The following BMPR1A variants were observed in gnomAD, a reference collection of about 807,000 sequenced individuals.
BMPR1A encodes the protein bone morphogenetic protein receptor type-1A.
In BMPR1A, 7 loss-of-function variants were observed where a neutral mutation model predicts 66.0. The ratio of observed to expected loss-of-function variants is 0.11; its 90% CI spans 0.06 to 0.20. The LOEUF is 0.20. BMPR1A is among the 10% of genes least tolerant of loss of function. The pLI is 1.00. For missense variants in BMPR1A, 408 were observed against 669.1 expected, an observed-to-expected ratio of 0.61 and a Z score of 4.31; for synonymous variants, 200 against 229.7, an observed-to-expected ratio of 0.87 and a Z score of 1.17.
chr10:86,782,739 T>G (rs1219797996), intron 1 of BMPR1A, among the ~76,000 whole-genome samples: 1 of 152,062 alleles, frequency 6.6e-6, no homozygotes, highest in Non-Finnish European at 1.5e-5. Context: ...GTTTTTTTTT[T>G]ATTCTGGATA....
Position 86,855,188 on chromosome 10 carries a change from GCCACCACA to G in BMPR1A, c.-153+16212_-153+16219del, listed in dbSNP as rs1842623933. On this transcript the variant is annotated intron_variant, in intron 2 of 12. Transcript: ENST00000372037. ...CAACCTGCTGGGATTACAGGCGTGAGCCACCACACCCTGCGTCGCTAAGTTTTTTAACC... is the reference window on the plus strand; with the variant it reads ...CAACCTGCTGGGATTACAGGCGTGAGCCCTGCGTCGCTAAGTTTTTTAACC... The G allele has an allele frequency of 4.8e-5, 28 of 577,648 alleles. No individual in the cohort carries two copies. The East Asian group carries it at 8.8e-4, about 18-fold the overall frequency. 35.8% of individuals were successfully genotyped at this position (577,648 alleles called of 1,614,324 possible).
intron 1 of BMPR1A, among the ~76,000 whole-genome samples, chr10:86,816,142 C>T (rs1199582618): frequency 1.3e-5 from 2 of 152,210 alleles, no homozygotes; most frequent in African/African-American, 2.4e-5. Flanking sequence ...TCTAACATGG[C>T]AGCCACTAGG....
chr10:86,758,497 GTTC>G (rs1399834879), intron 1 of BMPR1A, among the ~76,000 whole-genome samples: 4 of 151,164 alleles, frequency 2.6e-5, no homozygotes, highest in African/African-American at 7.3e-5. Context: ...AAGTACAAAT[GTTC>G]TTAAGATTTT....
At chr10:86,928,220 CTT>C (rs71477622), downstream of BMPR1A, 7,947 of 119,098 alleles carry the variant, frequency 0.067, 209 homozygotes, top group South Asian at 0.1. Flanking sequence ...TTTCTTTTTC[CTT>C]TTTTTTTTTT....
chr10:86,801,141 GT>G (rs776630505), intron 1 of BMPR1A, among the ~76,000 whole-genome samples: 6 of 152,116 alleles, frequency 3.9e-5, no homozygotes, highest in Non-Finnish European at 8.8e-5. Flanking sequence ...TTTAATTTTT[GT>G]TTTTATATAT....
intron 1 of BMPR1A, among the ~76,000 whole-genome samples, chr10:86,817,860 C>T (rs1438964263): frequency 1.3e-5 from 2 of 152,154 alleles, no homozygotes; most frequent in Non-Finnish European, 2.9e-5. Flanking sequence ...CCAACTCATT[C>T]TATGAGGCCA....
intron 5 of BMPR1A, among the ~76,000 whole-genome samples, chr10:86,893,839 A>G (rs976187271): frequency 2.0e-5 from 3 of 152,126 alleles, no homozygotes; most frequent in Admixed American, 6.6e-5. Flanking sequence ...CTTAAAGGTT[A>G]TGTTTCAACC....
chr10:86,835,588 A>AAAAAAAAAG (rs1842334954), intron 1 of BMPR1A, among the ~76,000 whole-genome samples: 1 of 133,410 alleles, frequency 7.5e-6, no homozygotes, highest in Admixed American at 8.1e-5. Flanking sequence ...AAAAAAAAAA[A>AAAAAAAAAG]GGTGTTTTGG....
chr10:86,889,450 T>G (rs1464185384), intron 3 of BMPR1A: 1 of 152,406 alleles, frequency 6.6e-6, no homozygotes, highest in African/African-American at 2.4e-5. Flanking sequence ...TGGTCACAAG[T>G]TTTGAACCAA....
chr10:86,880,953 A>G (rs1352677156), intron 3 of BMPR1A, among the ~76,000 whole-genome samples: 4 of 152,202 alleles, frequency 2.6e-5, no homozygotes, highest in Non-Finnish European at 5.9e-5. Flanking sequence ...GTACATGCCA[A>G]CACTTGGGAG....
intron 1 of BMPR1A, among the ~76,000 whole-genome samples, chr10:86,818,737 T>C (rs1044321467): frequency 3.9e-5 from 6 of 152,226 alleles, no homozygotes; most frequent in African/African-American, 7.2e-5. Context: ...AATCATAGTT[T>C]GAATGATTCA....
At chr10:86,841,147 C>T (rs1331379420) in intron 2 of BMPR1A, among the ~76,000 whole-genome samples, 1 of 152,186 alleles carries the variant, frequency 6.6e-6, no homozygotes, top group Non-Finnish European at 1.5e-5. Context: ...ATTTATTAAA[C>T]ACCTACTGTA....
chr10:86,841,267 G>A (rs2133124666), intron 2 of BMPR1A, among the ~76,000 whole-genome samples: 1 of 152,278 alleles, frequency 6.6e-6, no homozygotes, highest in African/African-American at 2.4e-5. Context: ...AACAATTATT[G>A]AAGTGCAATC....
intron 1 of BMPR1A, among the ~76,000 whole-genome samples, chr10:86,830,343 AAAAGTTCAGG>A: frequency 6.6e-6 from 1 of 152,202 alleles, no homozygotes; most frequent in Non-Finnish European, 1.5e-5. Context: ...GGCCTGGGAG[AAAAGTTCAGG>A]AGCCTGGCTC....
chr10:86,885,365 G>C (rs953812367), intron 3 of BMPR1A, among the ~76,000 whole-genome samples: 4 of 151,948 alleles, frequency 2.6e-5, no homozygotes, highest in Non-Finnish European at 4.4e-5. Context: ...GCATTGTGTC[G>C]GCAGAATTGA....
chr10:86,844,293 T>C (rs1022960107), intron 2 of BMPR1A, among the ~76,000 whole-genome samples: 4 of 152,218 alleles, frequency 2.6e-5, no homozygotes, highest in African/African-American at 9.6e-5. Context: ...TTACCTCTTT[T>C]GCTATCATGT....
intron 7 of BMPR1A, among the ~76,000 whole-genome samples, chr10:86,907,571 C>CA (rs990353909): frequency 2.5e-5 from 1 of 40,060 alleles, no homozygotes; most frequent in African/African-American, 3.6e-4. Flanking sequence ...GTGGAATCAA[C>CA]CGTGTCCATC....
At chr10:86,831,581 C>T (rs1842268045) in intron 1 of BMPR1A, among the ~76,000 whole-genome samples, 1 of 152,038 alleles carries the variant, frequency 6.6e-6, no homozygotes, top group African/African-American at 2.4e-5. Context: ...CATAGAGAGA[C>T]CTTATTTCTA....
intron 1 of BMPR1A, among the ~76,000 whole-genome samples, chr10:86,763,847 A>G (rs1244610382): frequency 7.2e-6 from 1 of 139,074 alleles, no homozygotes; most frequent in Non-Finnish European, 1.5e-5. Context: ...GCTGGAGTGC[A>G]GTGGCGCATG....
Sources: allele counts gnomAD v4.1 joint callset (sites outside exome capture counted in the v4.1 genomes callset), GRCh38; gene constraint gnomAD v4.1.1; transcripts MANE v1.5; gene names NCBI Gene and HGNC (gene_info 2026-07-23, HGNC 2026-07-21).